The following CAMK1D variants were observed in gnomAD, a reference collection of about 807,000 sequenced individuals.
The protein encoded by CAMK1D is calcium/calmodulin dependent protein kinase ID.
Under a neutral mutation model 47.7 loss-of-function variants are expected in CAMK1D, and 9 were observed. The ratio of observed to expected loss-of-function variants is 0.19; its 90% CI spans 0.11 to 0.33. The LOEUF (loss-of-function observed/expected upper bound fraction) is 0.33, where lower values mean the gene tolerates loss of function less well. Among genes scored for constraint, CAMK1D ranks in the 10% least tolerant of loss-of-function variants. The pLI is 1.00. For missense variants in CAMK1D, 291 were observed against 488.7 expected, an observed-to-expected ratio of 0.60 and a Z score of 3.81; for synonymous variants, 184 against 184.9, an observed-to-expected ratio of 0.99 and a Z score of 0.04.
At chr10:12,792,096 T>C (rs1838004749) in intron 6 of CAMK1D, among the ~76,000 whole-genome samples, 1 of 152,240 alleles carries the variant, frequency 6.6e-6, no homozygotes, top group African/African-American at 2.4e-5. Flanking sequence ...TGTGCCACTT[T>C]GGCTTTTTGG....
intron 1 of CAMK1D, among the ~76,000 whole-genome samples, chr10:12,358,940 C>G (rs576151548): frequency 1.3e-5 from 2 of 152,246 alleles, no homozygotes; most frequent in South Asian, 4.1e-4. Flanking sequence ...TTTGGAAGCT[C>G]TTGTTGCAAA....
At chr10:12,375,183 A>G (rs1177876776) in intron 1 of CAMK1D, among the ~76,000 whole-genome samples, 1 of 152,158 alleles carries the variant, frequency 6.6e-6, no homozygotes, top group Non-Finnish European at 1.5e-5. Context: ...GTGATCTCTT[A>G]CACGTGATTT....
At chr10:12,644,533 T>C (rs1336409794) in intron 2 of CAMK1D, among the ~76,000 whole-genome samples, 3 of 152,198 alleles carry the variant, frequency 2.0e-5, no homozygotes, top group African/African-American at 7.2e-5. Context: ...TAGTTTTCTC[T>C]CCCTGGTCAC....
At chr10:12,526,413 A>G (rs777049989) in intron 1 of CAMK1D, among the ~76,000 whole-genome samples, 6 of 152,032 alleles carry the variant, frequency 3.9e-5, no homozygotes, top group African/African-American at 4.8e-5. Flanking sequence ...TGATGCATAC[A>G]CAGATTTATA....
In CAMK1D at chr10:12,828,589, C is replaced by T. The variant is rs576240171; in HGVS notation, c.1040-180C>T. Among the ~76,000 whole-genome samples the T allele has an allele frequency of 3.3e-5, 5 of 151,694 alleles. No homozygotes were observed. In the East Asian group the frequency reaches 7.7e-4, roughly 24 times the overall value. On this transcript the variant is annotated intron_variant, in intron 10 of 10. Coordinates refer to ENST00000619168, the MANE Select transcript of CAMK1D (RefSeq NM_153498.4). ...CTGGCAGGCAGAGGTTGCAGTGACCCGAGATCGTGCCACTGCACTCCAGCC... is the reference window on the plus strand; with the variant it reads ...CTGGCAGGCAGAGGTTGCAGTGACCTGAGATCGTGCCACTGCACTCCAGCC...
At chr10:12,528,447 G>A (rs1588595723) in intron 1 of CAMK1D, among the ~76,000 whole-genome samples, 1 of 152,188 alleles carries the variant, frequency 6.6e-6, no homozygotes, top group Admixed American at 6.5e-5. Flanking sequence ...CAGAAGAGGT[G>A]CCAGTAGCAT....
chr10:12,368,980 G>C (rs951438530), intron 1 of CAMK1D, among the ~76,000 whole-genome samples: 3 of 152,006 alleles, frequency 2.0e-5, no homozygotes, highest in Non-Finnish European at 2.9e-5. Flanking sequence ...ACCAAGCCTG[G>C]CTAATTTTTT....
intron 1 of CAMK1D, among the ~76,000 whole-genome samples, chr10:12,351,520 C>G (rs1367726408): frequency 1.3e-5 from 2 of 152,174 alleles, no homozygotes; most frequent in South Asian, 4.1e-4. Context: ...GGGGACCCAC[C>G]CTGTGTGAAT....
chr10:12,734,535 CACAT>C (rs1217474125), intron 3 of CAMK1D, among the ~76,000 whole-genome samples: 1 of 146,522 alleles, frequency 6.8e-6, no homozygotes, highest in Non-Finnish European at 1.5e-5. Flanking sequence ...TATATATACA[CACAT>C]ATGTATATAT....
chr10:12,569,756 AC>A (rs1837263955), intron 2 of CAMK1D, among the ~76,000 whole-genome samples: 1 of 147,824 alleles, frequency 6.8e-6, no homozygotes, highest in Non-Finnish European at 1.5e-5. Flanking sequence ...TGTGTGGTGA[AC>A]GTATTACAAA....
intron 1 of CAMK1D, among the ~76,000 whole-genome samples, chr10:12,476,712 AAGT>A (rs1833913379): frequency 6.6e-6 from 1 of 152,108 alleles, no homozygotes; most frequent in Non-Finnish European, 1.5e-5. Flanking sequence ...TAAATGTGAT[AAGT>A]ATTTCCACCT....
intron 1 of CAMK1D, among the ~76,000 whole-genome samples, chr10:12,534,527 C>A (rs1835908872): frequency 6.6e-6 from 1 of 152,276 alleles, no homozygotes; most frequent in South Asian, 2.1e-4. Flanking sequence ...CCACCACGCC[C>A]AGCTAATTTT....
intron 1 of CAMK1D, among the ~76,000 whole-genome samples, chr10:12,488,622 A>T (rs778202395): frequency 3.0e-4 from 46 of 152,200 alleles, no homozygotes; most frequent in Non-Finnish European, 4.6e-4. Flanking sequence ...TAACGAGATA[A>T]TTCTACAACT....
rs369823752 is a variant in CAMK1D, at chr10:12,489,864, C to CG, written c.93-63358dup. Among the ~76,000 whole-genome samples, 556 of 152,272 alleles carry CG rather than the reference C, an allele frequency of 3.7e-3. 5 individuals are homozygous for CG. The highest frequency in any genetic ancestry group is 0.012 in the African/African-American group (512 of 41,542). Reference sequence around the variant, plus strand: ...GGTGAAGCTGGTTCTGCAGGGACCACGGGCTGATGTCCCTGCAGCTGCCAG... The same window carrying CG: ...GGTGAAGCTGGTTCTGCAGGGACCACGGGGCTGATGTCCCTGCAGCTGCCAG... On this transcript the variant is annotated intron_variant, in intron 1 of 10. Coordinates refer to ENST00000619168, the MANE Select transcript of CAMK1D (RefSeq NM_153498.4).
Position 12,828,929 on chromosome 10 carries a change from GGAGCCCCAGGGTCGCCAGAGCCGC to G in CAMK1D, c.*48_*71del. On this transcript the variant is annotated 3_prime_UTR_variant, in exon 11 of 11. Transcript: ENST00000619168. Reference sequence around the variant, plus strand: ...GGCCCGGGGTCGGGGCTGGGGAAGGGGAGCCCCAGGGTCGCCAGAGCCGCGAGCCACTCCAGCGAGACCCCACCT... The same window carrying G: ...GGCCCGGGGTCGGGGCTGGGGAAGGGGAGCCACTCCAGCGAGACCCCACCT... 6.9e-7 allele frequency: 1 copy of G among 1,442,660 alleles called. No individual in the cohort carries two copies. Among genetic ancestry groups the G allele is most frequent in the Non-Finnish European group, 9.3e-7 (1 of 1,072,452 alleles). The allele number at this position is 1,442,660 out of a possible 1,614,324, so 89.4% of individuals were successfully genotyped here. A position where few individuals can be genotyped will look rare whatever the true frequency, so the allele number is the denominator to read the frequency against.
intron 1 of CAMK1D, among the ~76,000 whole-genome samples, chr10:12,540,875 C>A (rs573206495): frequency 2.0e-5 from 3 of 150,092 alleles, no homozygotes; most frequent in African/African-American, 7.3e-5. Flanking sequence ...CTAATTTGAA[C>A]TGGTTGGTCG....
At position 12,772,622 on chromosome 10, in the gene CAMK1D, T is replaced by C. The variant is rs115246277; in HGVS notation, c.565+2823T>C. Reference sequence around the variant, plus strand: ...CATCTGCGGGGTCTGAGTCTGTTGATTGCTGTGTCTGGCACTGACGTGTCG... The same window carrying C: ...CATCTGCGGGGTCTGAGTCTGTTGACTGCTGTGTCTGGCACTGACGTGTCG... On this transcript the variant is annotated intron_variant, in intron 5 of 10. Coordinates refer to ENST00000619168, the MANE Select transcript of CAMK1D (RefSeq NM_153498.4). Among the ~76,000 whole-genome samples, 341 of 152,306 alleles carry C rather than the reference T, an allele frequency of 2.2e-3. 2 individuals are homozygous for C. The highest frequency in any genetic ancestry group is 7.7e-3 in the African/African-American group (322 of 41,568).
intron 1 of CAMK1D, among the ~76,000 whole-genome samples, chr10:12,547,946 C>T (rs1298574288): frequency 3.9e-5 from 6 of 152,146 alleles, no homozygotes; most frequent in African/African-American, 1.2e-4. Flanking sequence ...GCTGGATGTG[C>T]GGGCTCGGAG....
At chr10:12,613,432 G>A (rs563685197) in intron 2 of CAMK1D, among the ~76,000 whole-genome samples, 28 of 152,352 alleles carry the variant, frequency 1.8e-4, no homozygotes, top group Non-Finnish European at 3.5e-4. Context: ...TAAAGTATGT[G>A]AAGCAGCCTT....
Sources: allele counts gnomAD v4.1 joint callset (sites outside exome capture counted in the v4.1 genomes callset), GRCh38; gene constraint gnomAD v4.1.1; transcripts MANE v1.5; gene names NCBI Gene and HGNC (gene_info 2026-07-23, HGNC 2026-07-21).